The following PDE4D variants were observed in gnomAD, a reference collection of about 807,000 sequenced individuals.
The protein encoded by PDE4D is phosphodiesterase 4D.
In PDE4D, 24 loss-of-function variants were observed where a neutral mutation model predicts 87.4. The observed-to-expected ratio is 0.27, with a 90% CI of 0.20 to 0.39. PDE4D has a LOEUF of 0.39. PDE4D is among the 10% of genes least tolerant of loss of function. PDE4D has a pLI of 1.00. For synonymous variants in PDE4D, 384 were observed against 383.2 expected, an observed-to-expected ratio of 1.00 and a Z score of -0.02; for missense variants, 714 against 1,041.0, an observed-to-expected ratio of 0.69 and a Z score of 4.32.
At chr5:59,578,510 T>C (rs1458267397) in intron 1 of PDE4D, among the ~76,000 whole-genome samples, 1 of 152,156 alleles carries the variant, frequency 6.6e-6, no homozygotes, top group Non-Finnish European at 1.5e-5. Flanking sequence ...TCAAGTAGAG[T>C]AAAACGTCTT....
chr5:59,401,470 A>ATCTGTCTG (rs1395191079), intron 1 of PDE4D, among the ~76,000 whole-genome samples: 5 of 67,304 alleles, frequency 7.4e-5, no homozygotes, highest in Middle Eastern at 0.015. Context: ...CTATCTATCT[A>ATCTGTCTG]TCTATCTATC....
At chr5:59,969,300 G>A (rs1168372445) in intron 3 of PDE4D, among the ~76,000 whole-genome samples, 1 of 152,118 alleles carries the variant, frequency 6.6e-6, no homozygotes, top group Non-Finnish European at 1.5e-5. Flanking sequence ...TTTTACAAAG[G>A]AAGACTATCT....
intron 3 of PDE4D, among the ~76,000 whole-genome samples, chr5:59,189,561 G>A (rs1387888108): frequency 6.6e-6 from 1 of 151,882 alleles, no homozygotes; most frequent in Non-Finnish European, 1.5e-5. Flanking sequence ...ACAAATCCTG[G>A]GATCACTGAG....
At chr5:60,366,444 C>A (rs1760551385) in intron 1 of PDE4D, among the ~76,000 whole-genome samples, 1 of 152,072 alleles carries the variant, frequency 6.6e-6, no homozygotes. Context: ...TGAAGTTCTC[C>A]CTAAGTAAAA....
chr5:59,330,826 C>T lies in PDE4D; in HGVS notation c.456-114858G>A, dbSNP rs1039302251. ...CTGGTTGTCTCGCTGTGGCACTTCT[C>T]TGTTTATGTTGCCATGGCTTCCTCG... On this transcript the variant is annotated intron_variant, in intron 1 of 14. Transcript: ENST00000340635. 3.9e-5 allele frequency among the ~76,000 whole-genome samples: 6 copies of T among 152,314 alleles called. No homozygotes were observed. In the South Asian group the frequency reaches 1.2e-3, roughly 32 times the overall value.
intron 1 of PDE4D, among the ~76,000 whole-genome samples, chr5:60,485,000 G>C (rs185401474): frequency 6.6e-6 from 1 of 152,106 alleles, no homozygotes; most frequent in African/African-American, 2.4e-5. Context: ...GCGTGGTCCC[G>C]TTGACTCTAA....
At chr5:60,509,885 A>G (rs939944360) in intron 1 of PDE4D, among the ~76,000 whole-genome samples, 3 of 152,094 alleles carry the variant, frequency 2.0e-5, no homozygotes, top group Non-Finnish European at 4.4e-5. Context: ...CCAAGACAGG[A>G]CCTTTGGGTA....
At chr5:59,219,472 T>C (rs1751988516) in intron 1 of PDE4D, among the ~76,000 whole-genome samples, 1 of 152,076 alleles carries the variant, frequency 6.6e-6, no homozygotes, top group Non-Finnish European at 1.5e-5. Flanking sequence ...TTACCGAGAA[T>C]CTCCAGTCTG....
In PDE4D at chr5:59,878,887, G is replaced by GTTTT. The variant is rs70975345; in HGVS notation, c.455+14277_455+14280dup. 1.5e-3 allele frequency among the ~76,000 whole-genome samples: 111 copies of GTTTT among 71,756 alleles called. 13 individuals are homozygous for GTTTT. Among genetic ancestry groups the GTTTT allele is most frequent in the African/African-American group, 5.2e-3 (105 of 20,044 alleles). The allele number at this position is 71,756 out of a possible 152,430, so 47.1% of individuals were successfully genotyped here. A position where few individuals can be genotyped will look rare whatever the true frequency, so the allele number is the denominator to read the frequency against. ...ATGGTCTACATATCTACCGAAGTAA[G>GTTTT]TTTTTTTTTTTTTTTTTTTTTTTTT... On this transcript the variant is annotated intron_variant, in intron 1 of 14. Coordinates refer to ENST00000340635, the MANE Select transcript of PDE4D (RefSeq NM_001104631.2).
At chr5:59,781,803 A>T (rs867790798) in intron 1 of PDE4D, among the ~76,000 whole-genome samples, 1,945 of 150,882 alleles carry the variant, frequency 0.013, 77 homozygotes, top group African/African-American at 0.045. Flanking sequence ...AAAAAAAAAA[A>T]AAAAAAAAAA....
At chr5:59,623,401 A>C (rs1830553157) in intron 1 of PDE4D, among the ~76,000 whole-genome samples, 1 of 152,170 alleles carries the variant, frequency 6.6e-6, no homozygotes, top group Non-Finnish European at 1.5e-5. Flanking sequence ...CCTTAATCAC[A>C]GTGATAATTT....
chr5:60,407,471 T>G (rs1377559653), intron 1 of PDE4D, among the ~76,000 whole-genome samples: 1 of 129,676 alleles, frequency 7.7e-6, no homozygotes, highest in Non-Finnish European at 1.6e-5. Context: ...TTTTTTTTTT[T>G]GAGACGGAGT....
At chr5:59,830,303 C>T (rs1002481382) in intron 1 of PDE4D, among the ~76,000 whole-genome samples, 4 of 148,606 alleles carry the variant, frequency 2.7e-5, no homozygotes, top group Non-Finnish European at 6.1e-5. Flanking sequence ...AGGATTAATA[C>T]CGCTTGAGTT....
rs189973971 is a variant in PDE4D at position 59,911,429 on chromosome 5, T to C, written c.272+77059A>G. Among the ~76,000 whole-genome samples, 5 of 152,132 alleles carry C rather than the reference T, an allele frequency of 3.3e-5. No individual in the cohort carries two copies. The East Asian group carries it at 9.7e-4, about 29-fold the overall frequency. ...AGCTTCAACTCCCTATGATTTCATC[T>C]CCCACCGAACCAATCAGCACTCCCT... On this transcript the variant is annotated intron_variant, in intron 3 of 16. Coordinates refer to the PDE4D transcript ENST00000502484.
At chr5:59,282,585 G>A (rs1161081678) in intron 1 of PDE4D, among the ~76,000 whole-genome samples, 1 of 140,748 alleles carries the variant, frequency 7.1e-6, no homozygotes, top group Non-Finnish European at 1.5e-5. Flanking sequence ...GGAGGTTGCA[G>A]TGAGCCGAGA....
chr5:59,716,465 A>G (rs1755043450), intron 1 of PDE4D, among the ~76,000 whole-genome samples: 1 of 152,224 alleles, frequency 6.6e-6, no homozygotes, highest in African/African-American at 2.4e-5. Context: ...TGTGATAAAC[A>G]GGTAACCCTC....
chr5:60,114,941 C>G (rs142589155), intron 2 of PDE4D, among the ~76,000 whole-genome samples: 2 of 89,128 alleles, frequency 2.2e-5, no homozygotes, highest in African/African-American at 3.8e-5. Flanking sequence ...TAGATAGATA[C>G]ATGGATGGAT....
chr5:60,294,887 C>T (rs1328599561), intron 1 of PDE4D, among the ~76,000 whole-genome samples: 5 of 151,778 alleles, frequency 3.3e-5, no homozygotes, highest in African/African-American at 1.2e-4. Flanking sequence ...CTTGTCAATT[C>T]CTATAAAATA....
At chr5:59,074,918 A>G (rs1226070409) in intron 5 of PDE4D, among the ~76,000 whole-genome samples, 1 of 152,156 alleles carries the variant, frequency 6.6e-6, no homozygotes, top group Non-Finnish European at 1.5e-5. Context: ...ATTATATCAT[A>G]TAGTTCCTTA....
Sources: gnomAD v4.1 joint callset for allele counts (sites outside exome capture counted in the v4.1 genomes callset) on GRCh38, gnomAD v4.1.1 for gene constraint, MANE v1.5 for transcripts, NCBI Gene and HGNC (gene_info 2026-07-23, HGNC 2026-07-21) for gene names.